Variants in COL6A5 observed in about 807,000 individuals in gnomAD.
COL6A5 encodes collagen type VI alpha 5 chain.
COL6A5 carries 48 observed loss-of-function variants against 65.6 expected under a neutral mutation model. The ratio of observed to expected loss-of-function variants is 0.73; its 90% confidence interval spans 0.58 to 0.93. The LOEUF is 0.93. Among genes scored for constraint, COL6A5 ranks in the 40% least tolerant of loss-of-function variants. COL6A5 has a pLI of 0.00. For missense variants in COL6A5, 914 were observed against 928.3 expected, an observed-to-expected ratio of 0.98 and a Z score of 0.20; for synonymous variants, 291 against 322.8, an observed-to-expected ratio of 0.90 and a Z score of 1.05.
At chr3:130,429,589 G>A (rs950553482), upstream of COL6A5, 2 of 1,546,810 alleles carry the variant, frequency 1.3e-6, no homozygotes, top group African/African-American at 1.4e-5. Flanking sequence ...GGAAAGGTGA[G>A]TATTCTTACC....
In COL6A5 at chr3:130,432,009, G is replaced by T. The variant is rs1310613915; in HGVS notation, c.487+60G>T. Reference sequence around the variant, plus strand: ...AGATAGAGGTAGGTATTGTGATAGGGCAGGATGGGAGTGGTAGAGAGTCAA... The same window carrying T: ...AGATAGAGGTAGGTATTGTGATAGGTCAGGATGGGAGTGGTAGAGAGTCAA... On this transcript the variant is annotated intron_variant, in intron 1 of 7. Transcript: ENST00000512836. The T allele has an allele frequency of 5.3e-6, 8 of 1,503,762 alleles. No individual in the cohort carries two copies. In the African/African-American group the frequency reaches 9.8e-5, roughly 18 times the overall value. The allele number at this position is 1,503,762 out of a possible 1,614,324, so 93.2% of individuals were successfully genotyped here. A position where few individuals can be genotyped will look rare whatever the true frequency, so the allele number is the denominator to read the frequency against.
intron 1 of COL6A5, among the ~76,000 whole-genome samples, chr3:130,434,423 A>G (rs1937957271): frequency 2.0e-5 from 3 of 152,214 alleles, no homozygotes; most frequent in Non-Finnish European, 4.4e-5. Flanking sequence ...TTCTAGTTAA[A>G]TGATTTATAT....
At chr3:130,459,725 A>AT (rs113030527) in intron 5 of COL6A5, among the ~76,000 whole-genome samples, 13,930 of 150,154 alleles carry the variant, frequency 0.093, 1,395 homozygotes, top group East Asian at 0.31. Flanking sequence ...ATTCTACTAT[A>AT]TTTTTTTTTT....
chr3:130,449,007 A>G (rs973075097), intron 4 of COL6A5, among the ~76,000 whole-genome samples: 3 of 152,206 alleles, frequency 2.0e-5, no homozygotes, highest in Non-Finnish European at 4.4e-5. Context: ...ATCGGTTACC[A>G]TCCGCCATTT....
chr3:130,429,666 C>A, upstream of COL6A5: 1 of 1,204,920 alleles, frequency 8.3e-7, no homozygotes, highest in South Asian at 1.5e-5. Flanking sequence ...ATGCCCTCAA[C>A]TCCGTGGGAA....
chr3:130,347,892 G>A (rs1934556731), intron 1 of COL6A5, among the ~76,000 whole-genome samples: 1 of 152,086 alleles, frequency 6.6e-6, no homozygotes, highest in Non-Finnish European at 1.5e-5. Context: ...TTGGGCACTG[G>A]GCAAAGTTGG....
chr3:130,476,840 T>C (rs1391642144), intron 7 of COL6A5: 5 of 660,004 alleles, frequency 7.6e-6, no homozygotes, highest in Non-Finnish European at 1.4e-5. Flanking sequence ...TGATATTATA[T>C]ACATCTAGAA....
At chr3:130,411,820 G>A (rs1428692324) in intron 20 of COL6A5, among the ~76,000 whole-genome samples, 2 of 151,982 alleles carry the variant, frequency 1.3e-5, no homozygotes, top group African/African-American at 4.8e-5. Context: ...TGAGGCTCTC[G>A]GCCCCCTCCT....
chr3:130,359,670 A>T (rs990628471), intron 1 of COL6A5, among the ~76,000 whole-genome samples: 1 of 152,122 alleles, frequency 6.6e-6, no homozygotes, highest in Admixed American at 6.5e-5. Flanking sequence ...GGATCCCATA[A>T]GGCAAAAGTG....
intron 7 of COL6A5, among the ~76,000 whole-genome samples, chr3:130,475,007 CAAAAA>C (rs57263258): frequency 3.5e-3 from 229 of 65,070 alleles, no homozygotes; most frequent in South Asian, 0.021. Context: ...ACCATGTCTC[CAAAAA>C]AAAAAAAAAA....
intron 1 of COL6A5, among the ~76,000 whole-genome samples, chr3:130,372,004 C>A (rs1935583673): frequency 6.6e-6 from 1 of 151,884 alleles, no homozygotes; most frequent in Non-Finnish European, 1.5e-5. Context: ...AGACAAAAAA[C>A]CCAGTTAAAA....
intron 1 of COL6A5, among the ~76,000 whole-genome samples, chr3:130,439,055 G>A (rs1160391108): frequency 1.3e-5 from 2 of 152,140 alleles, no homozygotes; most frequent in Non-Finnish European, 2.9e-5. Flanking sequence ...ACTGGAAATA[G>A]TTGGGATCAC....
intron 1 of COL6A5, among the ~76,000 whole-genome samples, chr3:130,432,709 A>G (rs1048387505): frequency 4.6e-5 from 7 of 152,130 alleles, no homozygotes; most frequent in Admixed American, 2.6e-4. Flanking sequence ...GTGTTTCTCA[A>G]ATTTGTTATC....
rs72984337 is a variant in COL6A5 at position 130,442,560 on chromosome 3, C to T, written c.1242-916C>T. Reference sequence around the variant, plus strand: ...ACACACCCAATTCGCTGCCTTCCCACAACCACTTGGTTTGTAGGAGTGAAA... The same window carrying T: ...ACACACCCAATTCGCTGCCTTCCCATAACCACTTGGTTTGTAGGAGTGAAA... On this transcript the variant is annotated intron_variant, in intron 3 of 7. Transcript: ENST00000512836. 7.8e-3 allele frequency among the ~76,000 whole-genome samples: 1,190 copies of T among 152,288 alleles called. 16 individuals carry two copies. Among genetic ancestry groups the T allele is most frequent in the African/African-American group, 0.027 (1,120 of 41,564 alleles).
chr3:130,377,247 G>C (rs1308243911), intron 3 of COL6A5, among the ~76,000 whole-genome samples: 2 of 152,108 alleles, frequency 1.3e-5, no homozygotes, highest in Admixed American at 1.3e-4. Context: ...AGCACATGAG[G>C]GCAGGGTTGA....
At chr3:130,389,245 G>C in intron 6 of COL6A5, 111 bp downstream of exon 6, 2 of 640,608 alleles carry the variant, frequency 3.1e-6, no homozygotes, top group South Asian at 6.6e-5. Context: ...TCAGTGTTAA[G>C]TTTTGGTCTT....
chr3:130,484,282 T>G (rs892742839), exon 8 of COL6A5: 1 of 526,812 alleles, frequency 1.9e-6, no homozygotes, highest in Non-Finnish European at 3.3e-6. Flanking sequence ...TGATTTCATT[T>G]CTCCTGAGAA....
At chr3:130,477,037 A>T (rs1710116569) in intron 7 of COL6A5, 2 of 1,445,962 alleles carry the variant, frequency 1.4e-6, no homozygotes, top group Non-Finnish European at 1.9e-6. Flanking sequence ...CTTTTTGCAG[A>T]TAAGGAAATG....
chr3:130,426,169 T>G (rs1312553106), intron 29 of COL6A5, 45 bp from the exon 30 acceptor site: 3 of 1,540,438 alleles, frequency 1.9e-6, no homozygotes, highest in Non-Finnish European at 1.8e-6. Flanking sequence ...GACTAAAGAC[T>G]TCAGTTGGCA....
Sources: allele counts gnomAD v4.1 joint callset (sites outside exome capture counted in the v4.1 genomes callset), GRCh38; gene constraint gnomAD v4.1.1; transcripts MANE v1.5; gene names NCBI Gene and HGNC (gene_info 2026-07-23, HGNC 2026-07-21).